ADAMTS6: variants seen among roughly 807,000 people sequenced by gnomAD.
ADAMTS6 encodes A disintegrin and metalloproteinase with thrombospondin motifs 6.
Under a neutral mutation model 144.3 loss-of-function variants are expected in ADAMTS6, and 23 were observed. That is an observed-to-expected ratio of 0.16 (90% CI 0.11 to 0.23). ADAMTS6 has a LOEUF of 0.23. ADAMTS6 is among the 10% of genes least tolerant of loss of function. The probability of loss-of-function intolerance (pLI) is 1.00; values close to 1 mark genes in which losing one functional copy is unlikely to be tolerated. For missense variants in ADAMTS6, 999 were observed against 1,379.6 expected (o/e 0.72, Z 4.37); for synonymous variants, 444 against 457.5 (o/e 0.97, Z 0.38).
chr5:65,181,487 A>T (rs569647263), intron 22 of ADAMTS6, among the ~76,000 whole-genome samples: 1 of 152,376 alleles, frequency 6.6e-6, no homozygotes, highest in South Asian at 2.1e-4. Context: ...ATATTTTCAA[A>T]TATTAAACAT....
At chr5:65,287,604 C>T (rs1273032011) in intron 11 of ADAMTS6, among the ~76,000 whole-genome samples, 1 of 152,132 alleles carries the variant, frequency 6.6e-6, no homozygotes, top group African/African-American at 2.4e-5. Context: ...AATCTCAGCT[C>T]ACTGCAACCC....
At chr5:65,178,538 G>T (rs1475628377) in intron 22 of ADAMTS6, among the ~76,000 whole-genome samples, 1 of 152,184 alleles carries the variant, frequency 6.6e-6, no homozygotes, top group African/African-American at 2.4e-5. Context: ...CACCCTATGT[G>T]TCAGAAAGAG....
intron 14 of ADAMTS6, among the ~76,000 whole-genome samples, chr5:65,250,243 CT>C (rs1264040622): frequency 1.3e-5 from 2 of 152,136 alleles, no homozygotes; most frequent in Non-Finnish European, 2.9e-5. Flanking sequence ...TTCATACAGC[CT>C]ATTTATATAA....
At chr5:65,184,833 T>C (rs1754572526) in intron 22 of ADAMTS6, among the ~76,000 whole-genome samples, 1 of 150,998 alleles carries the variant, frequency 6.6e-6, no homozygotes, top group African/African-American at 2.5e-5. Context: ...CCATAAGTAC[T>C]GGGTGGGTTT....
rs757817511 is a variant in ADAMTS6, at chr5:65,460,217, G to T, written c.584C>A (p.Ala195Asp). The part of the protein sequence containing the change: ...GHPHVIYKKS[A>D]LQQRHLYDHS... ...ATCATACAGATGTCGTTGTTGAAGG[G>T]CAGACTTTTTGTAAATAACATGAGG... is the stretch of plus-strand genomic sequence containing the variant. The change falls in exon 4 of 25, where the codon GCC becomes GAC. Residue 195 changes from alanine (A) to aspartate (D), a missense_variant. Physicochemically the swap from Ala to Asp is moderately radical, Grantham distance 126. Coordinates refer to ENST00000381055, the MANE Select transcript of ADAMTS6 (RefSeq NM_197941.4). 2.0e-5 allele frequency: 33 copies of T among 1,613,942 alleles called. No homozygotes were observed. The South Asian group carries it at 3.4e-4, about 17-fold the overall frequency.
Position 65,160,557 on chromosome 5 carries a change from C to T in ADAMTS6, c.3245-8612G>A, listed in dbSNP as rs535449101. On this transcript the variant is annotated intron_variant, in intron 24 of 24. Transcript: ENST00000381055. ...CTGACCTCGTGATCTGCCCGCCTCG[C>T]CCTCCCAAAGTGCTGGGATTACAGG... Among the ~76,000 whole-genome samples the T allele has an allele frequency of 3.3e-5, 5 of 152,080 alleles. No individual in the cohort carries two copies. In the South Asian group the frequency reaches 1.0e-3, roughly 32 times the overall value.
intron 7 of ADAMTS6, 79 bp downstream of exon 7, chr5:65,451,396 G>T: frequency 6.5e-7 from 1 of 1,537,802 alleles, no homozygotes; most frequent in Non-Finnish European, 8.9e-7. Context: ...ATCTGAATGA[G>T]GCTTTACATA....
chr5:65,265,032 T>G (rs1196640285), intron 12 of ADAMTS6, among the ~76,000 whole-genome samples: 1 of 152,090 alleles, frequency 6.6e-6, no homozygotes, highest in Non-Finnish European at 1.5e-5. Context: ...TGACAATCAA[T>G]GAGCTGTGCT....
chr5:65,465,605 G>A (rs568606982), intron 3 of ADAMTS6, among the ~76,000 whole-genome samples: 1 of 152,250 alleles, frequency 6.6e-6, no homozygotes, highest in South Asian at 2.1e-4. Context: ...CTCCAATCAT[G>A]TCATTGCCTC....
intron 7 of ADAMTS6, among the ~76,000 whole-genome samples, chr5:65,374,222 C>T (rs1751278535): frequency 6.6e-6 from 1 of 152,116 alleles, no homozygotes; most frequent in Non-Finnish European, 1.5e-5. Flanking sequence ...CCTCTCTCAC[C>T]ACTCCTATTC....
chr5:65,342,313 G>T (rs2150076688), intron 7 of ADAMTS6, among the ~76,000 whole-genome samples: 1 of 152,236 alleles, frequency 6.6e-6, no homozygotes, highest in East Asian at 1.9e-4. Flanking sequence ...GAAGGTGAAA[G>T]GCATGTCTCA....
At chr5:65,449,334 G>C (rs988343643) in intron 7 of ADAMTS6, among the ~76,000 whole-genome samples, 8 of 152,104 alleles carry the variant, frequency 5.3e-5, no homozygotes, top group African/African-American at 1.9e-4. Flanking sequence ...GAAAATTTTG[G>C]GCCAGGCGCG....
chr5:65,270,841 G>C (rs1465924226), intron 12 of ADAMTS6, among the ~76,000 whole-genome samples: 2 of 152,094 alleles, frequency 1.3e-5, no homozygotes, highest in African/African-American at 4.8e-5. Context: ...GAGGCCTTTG[G>C]AGGTATGTCA....
chr5:65,430,071 G>A (rs1756869600), intron 7 of ADAMTS6, among the ~76,000 whole-genome samples: 2 of 151,444 alleles, frequency 1.3e-5, no homozygotes, highest in African/African-American at 4.9e-5. Flanking sequence ...TATCATTATA[G>A]TAGCTGATAA....
intron 20 of ADAMTS6, among the ~76,000 whole-genome samples, chr5:65,199,002 C>A (rs1188044082): frequency 2.0e-5 from 3 of 152,112 alleles, no homozygotes; most frequent in African/African-American, 4.8e-5. Context: ...TAGACAGATA[C>A]CTCTACCATT....
chr5:65,254,095 T>C (rs536463876), intron 14 of ADAMTS6, among the ~76,000 whole-genome samples: 5 of 152,154 alleles, frequency 3.3e-5, no homozygotes, highest in South Asian at 4.2e-4. Flanking sequence ...TCTGCTCACC[T>C]TGGACTCCCA....
intron 19 of ADAMTS6, among the ~76,000 whole-genome samples, 189 bp downstream of exon 19, chr5:65,215,135 A>T (rs1756822388): frequency 1.3e-5 from 2 of 152,178 alleles, no homozygotes; most frequent in African/African-American, 4.8e-5. Flanking sequence ...GTTTGGTTAT[A>T]AAAATACTAT....
rs574138368 is a variant in ADAMTS6, at chr5:65,218,741, A to G, written c.2273-3254T>C. Among the ~76,000 whole-genome samples, 17 of 152,294 alleles carry G rather than the reference A, an allele frequency of 1.1e-4. No homozygotes were observed. In the East Asian group the frequency reaches 3.3e-3, roughly 29 times the overall value. ...AATTTTGCTTGTTTTAAAATTTTTT[A>G]AAAAGATAATTGGCTCTTTGAAACA... On this transcript the variant is annotated intron_variant, in intron 18 of 24. Transcript: ENST00000381055.
chr5:65,470,709 A>G (rs1291718390), intron 3 of ADAMTS6, 69 bp downstream of exon 3: 1 of 1,339,590 alleles, frequency 7.5e-7, no homozygotes. Flanking sequence ...TTTTAATCTG[A>G]GGAAAGACAT....
Sources: allele counts gnomAD v4.1 joint callset (sites outside exome capture counted in the v4.1 genomes callset), GRCh38; gene constraint gnomAD v4.1.1; transcripts MANE v1.5; gene names NCBI Gene and HGNC (gene_info 2026-07-23, HGNC 2026-07-21).